The following SP140 variants were observed in gnomAD, a reference collection of about 807,000 sequenced individuals.
SP140 encodes the protein SP140 nuclear body protein.
In SP140, 81 loss-of-function variants were observed where a neutral mutation model predicts 125.0. The ratio of observed to expected loss-of-function variants is 0.65; its 90% CI spans 0.54 to 0.78. The LOEUF is 0.78. Ranked by LOEUF, SP140 falls within the 30% of genes least tolerant of loss-of-function variation. SP140 has a pLI of 0.00. For missense variants in SP140, 858 were observed against 1,037.0 expected (o/e 0.83, Z 2.37); for synonymous variants, 312 against 354.0 (o/e 0.88, Z 1.33).
intron 3 of SP140, among the ~76,000 whole-genome samples, chr2:230,218,378 G>A (rs963584070): frequency 6.6e-6 from 1 of 152,106 alleles, no homozygotes; most frequent in Non-Finnish European, 1.5e-5. Flanking sequence ...CAATCGCATA[G>A]GAAAACAAGA....
intron 1 of SP140, among the ~76,000 whole-genome samples, chr2:230,228,818 C>T (rs1030811611): frequency 2.0e-5 from 3 of 152,102 alleles, no homozygotes; most frequent in African/African-American, 7.2e-5. Context: ...AACATATAGT[C>T]GGGTGTTTTG....
chr2:230,233,226 TCTAA>T (rs759325542), intron 1 of SP140, among the ~76,000 whole-genome samples: 12 of 152,196 alleles, frequency 7.9e-5, no homozygotes, highest in African/African-American at 1.2e-4. Context: ...TGTATATTTC[TCTAA>T]CTGAGACCAT....
At chr2:230,270,781 A>G in intron 15 of SP140, 142 bp downstream of exon 15, 1 of 785,226 alleles carries the variant, frequency 1.3e-6, no homozygotes, top group South Asian at 1.4e-5. Flanking sequence ...TAAGATGTCT[A>G]CCTCCTAATC....
At chr2:230,234,268 C>T (rs1367395458) in intron 1 of SP140, among the ~76,000 whole-genome samples, 4 of 152,222 alleles carry the variant, frequency 2.6e-5, no homozygotes, top group Non-Finnish European at 5.9e-5. Flanking sequence ...GCCACCCCAT[C>T]TGAAATGACA....
At chr2:230,243,867 C>A in intron 5 of SP140, 56 bp downstream of exon 5, 1 of 1,223,962 alleles carries the variant, frequency 8.2e-7, no homozygotes, top group South Asian at 1.2e-5. Context: ...AGGTGGAATT[C>A]AGAGCTGGTG....
At chr2:230,216,401 G>A (rs2045179041) in intron 3 of SP140, among the ~76,000 whole-genome samples, 1 of 152,152 alleles carries the variant, frequency 6.6e-6, no homozygotes, top group Non-Finnish European at 1.5e-5. Flanking sequence ...ACAAGGCAAG[G>A]AACACTAAGG....
At chr2:230,202,455 C>G, upstream of SP140, 2 of 868,884 alleles carry the variant, frequency 2.3e-6, no homozygotes, top group Non-Finnish European at 3.7e-6. Context: ...TATACCCCAT[C>G]CTCATTCTCT....
At chr2:230,215,728 G>A (rs2045081048) in intron 3 of SP140, among the ~76,000 whole-genome samples, 1 of 152,226 alleles carries the variant, frequency 6.6e-6, no homozygotes, top group Non-Finnish European at 1.5e-5. Context: ...ACACAGCACT[G>A]AATAAGACCA....
At position 230,251,043 on chromosome 2, in the gene SP140, C is replaced by G. The variant is rs745556019; in HGVS notation, c.1039C>G (p.Leu347Val). The G allele has an allele frequency of 1.2e-5, 20 of 1,613,426 alleles. No individual in the cohort carries two copies. In the East Asian group the frequency reaches 3.3e-4, roughly 27 times the overall value. The stretch of plus-strand genomic sequence containing the variant: ...AGAGCCCCAGGAAGCCTCTAGCTCC[C>G]TAGCAAGATGTGGGTCAGGTAAAGA... ...GEEPQEASSS[L>V]ARCGSVSCLS... The change falls in exon 10 of 27, where the codon CTA becomes GTA. Residue 347 changes from leucine (L) to valine (V), a missense_variant. Physicochemically the swap from Leu to Val is conservative, Grantham distance 32. Around this residue, in one of 4 missense-constraint regions of SP140, gnomAD observed 791 missense variants for 869.5 expected, o/e 0.91. Transcript: ENST00000392045.
intron 5 of SP140, 22 bp from the exon 6 acceptor site, chr2:230,244,966 A>C: frequency 6.4e-7 from 1 of 1,568,800 alleles, no homozygotes; most frequent in Middle Eastern, 2.0e-4. Context: ...TGCTCTCATC[A>C]CTGTGCCTTG....
chr2:230,291,694 A>G (rs2057132193), intron 19 of SP140, among the ~76,000 whole-genome samples: 1 of 152,220 alleles, frequency 6.6e-6, no homozygotes, highest in Non-Finnish European at 1.5e-5. Flanking sequence ...CTCTTTGGCT[A>G]TTATAAATAA....
chr2:230,289,296 C>A (rs1008728941), intron 18 of SP140, among the ~76,000 whole-genome samples: 8 of 152,240 alleles, frequency 5.3e-5, no homozygotes, highest in Non-Finnish European at 8.8e-5. Flanking sequence ...ATCCTTTGCC[C>A]ACTTTTTGAT....
intron 3 of SP140, among the ~76,000 whole-genome samples, chr2:230,218,223 G>A (rs896499571): frequency 6.6e-6 from 1 of 152,208 alleles, no homozygotes; most frequent in Non-Finnish European, 1.5e-5. Context: ...ACTTCATTTT[G>A]TGTTGAACAG....
intron 12 of SP140, 63 bp downstream of exon 12, chr2:230,255,595 G>A: frequency 4.7e-6 from 7 of 1,485,430 alleles, no homozygotes; most frequent in Non-Finnish European, 6.6e-6. Flanking sequence ...TGAATTTGGA[G>A]CTCGTGTTTC....
In SP140 at chr2:230,294,276, A is replaced by G. The variant is rs761479989; in HGVS notation, c.1974A>G (p.Gly658=). ...TGAATCTTTTTGTCTTTCAGAATGG[A>G]TTTCTGCCTGATCCTCCAAGAATAC... ...GWPLRWLMEN[G]FLPDPPRIRY... The change falls in exon 21 of 27, where the codon GGA becomes GGG. Residue 658 remains glycine (G), a synonymous_variant. Transcript: ENST00000392045. The G allele has an allele frequency of 5.6e-6, 9 of 1,613,272 alleles. No homozygotes were observed. The South Asian group carries it at 9.9e-5, about 18-fold the overall frequency.
At chr2:230,303,637 T>A (rs2058503986) in intron 22 of SP140, among the ~76,000 whole-genome samples, 3 of 152,050 alleles carry the variant, frequency 2.0e-5, no homozygotes, top group Admixed American at 2.0e-4. Context: ...TACCACATAA[T>A]CAGAATTAAA....
At chr2:230,302,605 A>G (rs2058388843) in intron 22 of SP140, among the ~76,000 whole-genome samples, 1 of 152,192 alleles carries the variant, frequency 6.6e-6, no homozygotes, top group Admixed American at 6.5e-5. Context: ...TGCAGAACAT[A>G]CATTCTTTTC....
chr2:230,200,643 G>C, upstream of SP140: 2 of 553,922 alleles, frequency 3.6e-6, no homozygotes. Flanking sequence ...TGAGTGCTGA[G>C]AAAAATCTTA....
rs75680225 is a variant in SP140 at position 230,291,781 on chromosome 2, A to G, written c.1826-865A>G. On this transcript the variant is annotated intron_variant, in intron 19 of 26. Transcript: ENST00000392045. ...TTTTGGGTATATAGTCAAGAGAGGAATGACTACATCGTATGGTAATTCTAT... is the reference window on the plus strand; with the variant it reads ...TTTTGGGTATATAGTCAAGAGAGGAGTGACTACATCGTATGGTAATTCTAT... Among the ~76,000 whole-genome samples the G allele has an allele frequency of 6.3e-3, 955 of 152,332 alleles. 3 individuals are homozygous for G. The highest frequency in any genetic ancestry group is 8.4e-3 in the Non-Finnish European group (569 of 68,030).
Sources: gnomAD v4.1 joint callset for allele counts (sites outside exome capture counted in the v4.1 genomes callset) on GRCh38, gnomAD v4.1.1 for gene constraint, gnomAD v4.1.1 regional missense constraint, MANE v1.5 for transcripts, NCBI Gene and HGNC (gene_info 2026-07-23, HGNC 2026-07-21) for gene names.